The following ARHGEF38 variants were observed in gnomAD, a reference collection of about 807,000 sequenced individuals.
The protein encoded by ARHGEF38 is Rho guanine nucleotide exchange factor (GEF) 38.
A neutral mutation model predicts 79.9 loss-of-function variants in ARHGEF38; 79 were observed. The observed-to-expected ratio is 0.99, with a 90% CI of 0.82 to 1.19. ARHGEF38 has a LOEUF of 1.19. Among genes scored for constraint, ARHGEF38 ranks in the 50% most tolerant of loss-of-function variants. The probability of loss-of-function intolerance (pLI) is 0.00; values close to 1 mark genes in which losing one functional copy is unlikely to be tolerated. For missense variants in ARHGEF38, 962 were observed against 907.2 expected, an observed-to-expected ratio of 1.06 and a Z score of -0.78; for synonymous variants, 366 against 328.3, an observed-to-expected ratio of 1.11 and a Z score of -1.24.
In ARHGEF38 at chr4:105,680,167, T is replaced by C. The variant is rs114834367; in HGVS notation, c.*2230T>C. The C allele has an allele frequency of 0.011, 6,331 of 595,142 alleles. 46 individuals are homozygous for C. Among genetic ancestry groups the C allele is most frequent in the Non-Finnish European group, 0.016 (5,021 of 318,940 alleles). 36.9% of individuals were successfully genotyped at this position (595,142 alleles called of 1,614,324 possible). ...GGAGGGACTGGAATTTAAAACCAGG[T>C]CTTCTGACTTTAAGGCCTTTCTTTT... On this transcript the variant is annotated 3_prime_UTR_variant, in exon 14 of 14. Transcript: ENST00000420470.
intron 7 of ARHGEF38, among the ~76,000 whole-genome samples, chr4:105,653,692 T>C (rs550392988): frequency 6.6e-6 from 1 of 152,370 alleles, no homozygotes; most frequent in African/African-American, 2.4e-5. Context: ...CAAGAAGTTC[T>C]AGTCAATAGA....
At chr4:105,615,019 T>C (rs1468092816) in intron 3 of ARHGEF38, among the ~76,000 whole-genome samples, 1 of 152,182 alleles carries the variant, frequency 6.6e-6, no homozygotes, top group Non-Finnish European at 1.5e-5. Context: ...GCTTAAAGTA[T>C]AGATTCTATT....
At chr4:105,610,424 CAG>C (rs1242565981) in intron 2 of ARHGEF38, among the ~76,000 whole-genome samples, 3 of 151,992 alleles carry the variant, frequency 2.0e-5, no homozygotes, top group Non-Finnish European at 4.4e-5. Context: ...AGTGTGTACT[CAG>C]ACTGTCTTTT....
chr4:105,561,290 T>A (rs1725511734), intron 1 of ARHGEF38, among the ~76,000 whole-genome samples: 1 of 151,820 alleles, frequency 6.6e-6, no homozygotes, highest in Non-Finnish European at 1.5e-5. Context: ...TAATCCCAGC[T>A]ACTTGGGAGG....
At chr4:105,635,841 A>G (rs1468224540) in intron 4 of ARHGEF38, among the ~76,000 whole-genome samples, 1 of 152,086 alleles carries the variant, frequency 6.6e-6, no homozygotes, top group East Asian at 1.9e-4. Context: ...CCCATCTAAT[A>G]GGTCTTAGAC....
intron 1 of ARHGEF38, among the ~76,000 whole-genome samples, chr4:105,585,991 A>C (rs1260734198): frequency 6.6e-6 from 1 of 151,944 alleles, no homozygotes; most frequent in African/African-American, 2.4e-5. Context: ...TCGGCCTCCC[A>C]AAGTGTTGGG....
At chr4:105,625,028 T>C (rs1432362577) in intron 3 of ARHGEF38, among the ~76,000 whole-genome samples, 2 of 152,216 alleles carry the variant, frequency 1.3e-5, no homozygotes, top group Non-Finnish European at 2.9e-5. Context: ...ACCACAAGTT[T>C]TATTTAGAAC....
At chr4:105,611,321 A>G (rs1378805984) in intron 2 of ARHGEF38, among the ~76,000 whole-genome samples, 1 of 152,126 alleles carries the variant, frequency 6.6e-6, no homozygotes, top group Non-Finnish European at 1.5e-5. Flanking sequence ...ATATACAATC[A>G]GTAAATTTGA....
At chr4:105,583,022 C>A (rs545500848) in intron 1 of ARHGEF38, among the ~76,000 whole-genome samples, 1 of 152,216 alleles carries the variant, frequency 6.6e-6, no homozygotes, top group East Asian at 1.9e-4. Context: ...CTTATGTTCT[C>A]TACTATAAAT....
At position 105,589,822 on chromosome 4, in the gene ARHGEF38, C is replaced by T. The variant is rs550193820; in HGVS notation, c.384+387C>T. 2.1e-3 allele frequency among the ~76,000 whole-genome samples: 320 copies of T among 151,870 alleles called. 2 individuals are homozygous for T. The highest frequency in any genetic ancestry group is 7.2e-3 in the African/African-American group (297 of 41,440). On this transcript the variant is annotated intron_variant, in intron 2 of 13. Coordinates refer to ENST00000420470, the MANE Select transcript of ARHGEF38 (RefSeq NM_001242729.2). ...TGAGGTGGGAGGATCACCTGAGGTT[C>T]GGATTTCAAGACCAGCCTGGCCAAC...
Position 105,648,640 on chromosome 4 carries a change from A to C in ARHGEF38, c.966A>C (p.Arg322Ser). 6.5e-7 allele frequency: 1 copy of C among 1,533,524 alleles called. No homozygotes were observed. 95.0% of individuals were successfully genotyped at this position (1,533,524 alleles called of 1,614,324 possible). A position where few individuals can be genotyped will look rare whatever the true frequency, so the allele number is the denominator to read the frequency against. Residue 322 changes from arginine (R) to serine (S), a missense_variant, in exon 7 of 14, where the codon AGA becomes AGC. By Grantham distance (110) the Arg-to-Ser change is moderately radical. Coordinates refer to ENST00000420470, the MANE Select transcript of ARHGEF38 (RefSeq NM_001242729.2). ...ATTCAATTAGCAAGAAATCAAAAAGAGTGACAAATCATCTGAAGATTCTGA... is the reference window on the plus strand; with the variant it reads ...ATTCAATTAGCAAGAAATCAAAAAGCGTGACAAATCATCTGAAGATTCTGA... ...NIHSISKKSK[R>S]VTNHLKILTR...
At chr4:105,628,553 C>A (rs1402021824) in intron 3 of ARHGEF38, among the ~76,000 whole-genome samples, 7 of 152,190 alleles carry the variant, frequency 4.6e-5, no homozygotes, top group African/African-American at 1.7e-4. Flanking sequence ...ATATGACCTA[C>A]ACTAGTTGAA....
intron 1 of ARHGEF38, among the ~76,000 whole-genome samples, chr4:105,564,318 A>G (rs1578257202): frequency 6.6e-6 from 1 of 152,194 alleles, no homozygotes; most frequent in Admixed American, 6.5e-5. Context: ...CTGACACAAT[A>G]AAAACATTTG....
intron 5 of ARHGEF38, among the ~76,000 whole-genome samples, chr4:105,638,546 T>C (rs915392143): frequency 2.5e-4 from 38 of 152,178 alleles, no homozygotes; most frequent in African/African-American, 9.1e-4. Flanking sequence ...TTTTAAAAAT[T>C]ATTGAAGAAA....
At chr4:105,666,723 C>T (rs1189675359) in intron 11 of ARHGEF38, among the ~76,000 whole-genome samples, 1 of 152,112 alleles carries the variant, frequency 6.6e-6, no homozygotes, top group African/African-American at 2.4e-5. Context: ...GGAGTATAAG[C>T]GTCTTGATTC....
intron 1 of ARHGEF38, among the ~76,000 whole-genome samples, chr4:105,566,794 C>A (rs1185191878): frequency 6.7e-6 from 1 of 148,780 alleles, no homozygotes; most frequent in Non-Finnish European, 1.5e-5. Context: ...GCTCTTGTTG[C>A]CCAGGCTGGA....
At chr4:105,591,869 T>C (rs1727356234) in intron 2 of ARHGEF38, among the ~76,000 whole-genome samples, 1 of 152,240 alleles carries the variant, frequency 6.6e-6, no homozygotes, top group Admixed American at 6.5e-5. Context: ...ATGGTCGTGA[T>C]AAAAATTTGC....
chr4:105,582,794 C>T (rs1560700380), intron 1 of ARHGEF38, among the ~76,000 whole-genome samples: 2 of 152,178 alleles, frequency 1.3e-5, no homozygotes. Context: ...TCAACTCTTT[C>T]ACTTTTTGCT....
At chr4:105,555,604 G>C (rs962898988) in intron 1 of ARHGEF38, among the ~76,000 whole-genome samples, 4 of 152,148 alleles carry the variant, frequency 2.6e-5, no homozygotes, top group Admixed American at 2.6e-4. Flanking sequence ...AGAGCCCTCA[G>C]ATAGATGGCC....
Sources: allele counts gnomAD v4.1 joint callset (sites outside exome capture counted in the v4.1 genomes callset), GRCh38; gene constraint gnomAD v4.1.1; transcripts MANE v1.5; gene names NCBI Gene and HGNC (gene_info 2026-07-23, HGNC 2026-07-21).